The following STOX2 variants were observed in gnomAD, a reference collection of about 807,000 sequenced individuals.
STOX2 encodes storkhead-box protein 2.
A neutral mutation model predicts 60.9 loss-of-function variants in STOX2; 28 were observed. The observed-to-expected ratio is 0.46, with a 90% CI of 0.34 to 0.63. The LOEUF (loss-of-function observed/expected upper bound fraction) is 0.63. Ranked by LOEUF, STOX2 falls within the 30% of genes least tolerant of loss-of-function variation. The pLI, the probability that STOX2 is intolerant of heterozygous loss-of-function variation, is 0.01. For synonymous variants in STOX2, 472 were observed against 463.9 expected, an observed-to-expected ratio of 1.02 and a Z score of -0.22; for missense variants, 1,024 against 1,187.7, an observed-to-expected ratio of 0.86 and a Z score of 2.03.
chr4:183,954,837 C>T (rs1743202296), intron 1 of STOX2, among the ~76,000 whole-genome samples: 1 of 152,114 alleles, frequency 6.6e-6, no homozygotes, highest in African/African-American at 2.4e-5. Flanking sequence ...CTGCCTGGTT[C>T]AAGTGATTCT....
intron 1 of STOX2, among the ~76,000 whole-genome samples, chr4:183,920,107 A>G (rs1210967555): frequency 6.6e-6 from 1 of 151,830 alleles, no homozygotes; most frequent in Non-Finnish European, 1.5e-5. Context: ...ATAACTTCTT[A>G]TTTTTATTTA....
At chr4:183,915,029 C>G (rs1741889996) in intron 1 of STOX2, among the ~76,000 whole-genome samples, 1 of 152,208 alleles carries the variant, frequency 6.6e-6, no homozygotes, top group South Asian at 2.1e-4. Context: ...TGTCATATAC[C>G]TATCCCGTTG....
intron 1 of STOX2, among the ~76,000 whole-genome samples, chr4:183,913,401 G>A (rs193215540): frequency 2.0e-5 from 3 of 152,204 alleles, no homozygotes; most frequent in East Asian, 1.9e-4. Context: ...TGTTGTGAAC[G>A]TCTAGAGGCT....
At chr4:184,002,944 C>A (rs1733660906) in intron 2 of STOX2, among the ~76,000 whole-genome samples, 1 of 152,220 alleles carries the variant, frequency 6.6e-6, no homozygotes, top group Non-Finnish European at 1.5e-5. Context: ...CATGAACCCA[C>A]CCTTGCAACA....
At chr4:183,943,755 T>TA (rs1742811568) in intron 1 of STOX2, among the ~76,000 whole-genome samples, 1 of 152,220 alleles carries the variant, frequency 6.6e-6, no homozygotes, top group South Asian at 2.1e-4. Flanking sequence ...CGTGCGCCTG[T>TA]AGTCCCAGCT....
At position 184,009,357 on chromosome 4, in the gene STOX2, G is replaced by A. The variant is rs374682641; in HGVS notation, c.519G>A (p.Pro173=). The change falls in exon 3 of 4, where the codon CCG becomes CCA. Residue 173 remains proline, a synonymous_variant. Transcript: ENST00000308497. The surrounding 1 kb of genome is among the most constrained non-coding windows in gnomAD (Gnocchi z 4.0). ...RIPDRSQCTS[P]QPGTITPSAS... is the part of the protein sequence containing the mutation. ...CTGACCGGTCTCAGTGCACCTCTCC[G>A]CAACCCGGGACCATCACGCCCTCTG... 15 of 1,613,816 alleles carry A rather than the reference G, an allele frequency of 9.3e-6. No homozygotes were observed. Among genetic ancestry groups the A allele is most frequent in the African/African-American group, 2.7e-5 (2 of 74,896 alleles).
At chr4:183,935,768 C>T (rs887409328) in intron 1 of STOX2, among the ~76,000 whole-genome samples, 1 of 152,182 alleles carries the variant, frequency 6.6e-6, no homozygotes, top group Non-Finnish European at 1.5e-5. Context: ...GTGCCTGGGA[C>T]TAAGGAGTAC....
chr4:183,860,442 C>CAAAAAAAAAAAAAAAAAAAAAAAAAAA (rs35753992), intron 1 of STOX2, among the ~76,000 whole-genome samples: 28 of 121,466 alleles, frequency 2.3e-4, no homozygotes, highest in Non-Finnish European at 3.2e-4. Flanking sequence ...AAACAAAAAA[C>CAAAAAAAAAAAAAAAAAAAAAAAAAAA]AAAAAAAAAA....
intron 1 of STOX2, among the ~76,000 whole-genome samples, chr4:183,861,987 C>G (rs1457783260): frequency 6.6e-6 from 1 of 152,084 alleles, no homozygotes; most frequent in Non-Finnish European, 1.5e-5. Context: ...CCCTTCTTAC[C>G]GAATGTAGCC....
chr4:183,928,531 G>A (rs1179625924), intron 1 of STOX2, among the ~76,000 whole-genome samples: 1 of 152,142 alleles, frequency 6.6e-6, no homozygotes, highest in South Asian at 2.1e-4. Context: ...AATTATTAAC[G>A]GGTGATCAGG....
At chr4:183,913,319 G>C (rs1310319997) in intron 1 of STOX2, among the ~76,000 whole-genome samples, 1 of 152,156 alleles carries the variant, frequency 6.6e-6, no homozygotes, top group Admixed American at 6.5e-5. Context: ...ACACATTTGT[G>C]ATTTGGGGAG....
chr4:183,967,224 TGGTG>T (rs2111169863), intron 1 of STOX2, among the ~76,000 whole-genome samples: 2 of 152,016 alleles, frequency 1.3e-5, no homozygotes, highest in South Asian at 4.2e-4. Context: ...TAGCCGGGTG[TGGTG>T]GTGCATGCCT....
intron 1 of STOX2, among the ~76,000 whole-genome samples, chr4:183,951,374 G>A (rs1460949252): frequency 1.3e-5 from 2 of 151,608 alleles, no homozygotes; most frequent in Non-Finnish European, 2.9e-5. Flanking sequence ...AGAGAGGAAG[G>A]GAAGTCCATG....
chr4:183,949,076 T>C (rs1262148114), intron 1 of STOX2, among the ~76,000 whole-genome samples: 2 of 152,178 alleles, frequency 1.3e-5, no homozygotes, highest in East Asian at 3.8e-4. Flanking sequence ...ATTAATAGTT[T>C]TCATATTTTT....
chr4:183,862,032 C>G (rs942744662), intron 1 of STOX2, among the ~76,000 whole-genome samples: 3 of 152,178 alleles, frequency 2.0e-5, no homozygotes, highest in African/African-American at 7.2e-5. Flanking sequence ...ACAGATACTT[C>G]GTGAGGGTTT....
chr4:183,955,340 A>G (rs188885189), intron 1 of STOX2, among the ~76,000 whole-genome samples: 16 of 152,348 alleles, frequency 1.1e-4, no homozygotes, highest in African/African-American at 3.1e-4. Flanking sequence ...TTTTGTCTGC[A>G]GTTAATGATT....
At chr4:183,961,068 G>A (rs2111161683) in intron 1 of STOX2, among the ~76,000 whole-genome samples, 1 of 152,232 alleles carries the variant, frequency 6.6e-6, no homozygotes, top group African/African-American at 2.4e-5. Flanking sequence ...CGGTTGGTTA[G>A]AGAATGTTTT....
At chr4:183,961,356 T>TTGCTGCTGCTGCTGCTGCTGCTGCTGC (rs755147300) in intron 1 of STOX2, among the ~76,000 whole-genome samples, 5 of 151,592 alleles carry the variant, frequency 3.3e-5, no homozygotes, top group African/African-American at 1.2e-4. Flanking sequence ...CAAGTGATGG[T>TTGCTGCTGCTGCTGCTGCTGCTGCTGC]TGCTGCTGCT....
upstream of STOX2, among the ~76,000 whole-genome samples, chr4:183,905,018 A>G (rs1741548062): frequency 6.6e-6 from 1 of 152,264 alleles, no homozygotes; most frequent in Non-Finnish European, 1.5e-5. Context: ...ATGCACCAAC[A>G]TGTCAAATGC....
Sources: allele counts gnomAD v4.1 joint callset (sites outside exome capture counted in the v4.1 genomes callset), GRCh38; gene constraint gnomAD v4.1.1; non-coding constraint Gnocchi (gnomAD v3.1); transcripts MANE v1.5; gene names NCBI Gene and HGNC (gene_info 2026-07-23, HGNC 2026-07-21).